The following NDUFS4 variants were observed in gnomAD, a reference collection of about 807,000 sequenced individuals.
The protein encoded by NDUFS4 is NADH dehydrogenase [ubiquinone] iron-sulfur protein 4, mitochondrial.
NDUFS4 carries 28 observed loss-of-function variants against 24.3 expected under a neutral mutation model. The observed-to-expected ratio is 1.15, with a 90% CI of 0.85 to 1.58. NDUFS4 has a LOEUF of 1.58. Among genes scored for constraint, NDUFS4 ranks in the 40% most tolerant of loss-of-function variants. NDUFS4 has a pLI of 0.00. For synonymous variants in NDUFS4, 93 were observed against 69.7 expected (o/e 1.34, Z -1.67); for missense variants, 223 against 207.9 (o/e 1.07, Z -0.45).
chr5:53,562,596 C>T (rs1238152890), intron 1 of NDUFS4, among the ~76,000 whole-genome samples: 1 of 152,006 alleles, frequency 6.6e-6, no homozygotes, highest in East Asian at 1.9e-4. Context: ...CCAGGGAAGA[C>T]GTTTTTTAAA....
At chr5:53,660,815 T>C (rs1446441507) in intron 4 of NDUFS4, among the ~76,000 whole-genome samples, 1 of 152,240 alleles carries the variant, frequency 6.6e-6, no homozygotes, top group Non-Finnish European at 1.5e-5. Flanking sequence ...GAAGTGTCTG[T>C]TCATATCCTT....
At chr5:53,576,776 G>A (rs543781149) in intron 1 of NDUFS4, among the ~76,000 whole-genome samples, 5 of 152,186 alleles carry the variant, frequency 3.3e-5, no homozygotes, top group Non-Finnish European at 5.9e-5. Context: ...TGTTATCTTC[G>A]GGAAACAAAG....
chr5:53,672,423 TG>T (rs1740304966), intron 4 of NDUFS4, among the ~76,000 whole-genome samples: 1 of 151,938 alleles, frequency 6.6e-6, no homozygotes, highest in Non-Finnish European at 1.5e-5. Context: ...GAGGCAAAAT[TG>T]GGTTTTGGTG....
intron 2 of NDUFS4, among the ~76,000 whole-genome samples, chr5:53,616,572 G>A (rs1405678049): frequency 6.6e-6 from 1 of 152,138 alleles, no homozygotes; most frequent in Non-Finnish European, 1.5e-5. Flanking sequence ...GACCAAAAGT[G>A]TAGCTGGTAG....
intron 1 of NDUFS4, among the ~76,000 whole-genome samples, chr5:53,569,268 G>A (rs927305542): frequency 2.0e-5 from 3 of 152,060 alleles, no homozygotes; most frequent in Non-Finnish European, 4.4e-5. Flanking sequence ...TTTAATATTC[G>A]TAGTACAAAT....
chr5:53,619,526 A>G (rs905654996), intron 2 of NDUFS4, among the ~76,000 whole-genome samples: 1 of 151,222 alleles, frequency 6.6e-6, no homozygotes, highest in Non-Finnish European at 1.5e-5. Context: ...TACATCATAA[A>G]TATATCAAAT....
chr5:53,661,246 C>G (rs368679377), intron 4 of NDUFS4, among the ~76,000 whole-genome samples: 11 of 151,988 alleles, frequency 7.2e-5, no homozygotes, highest in Non-Finnish European at 1.3e-4. Context: ...AGCACCATTT[C>G]TTAAATAGGG....
At chr5:53,648,028 T>A (rs1277559225) in intron 3 of NDUFS4, among the ~76,000 whole-genome samples, 2 of 152,134 alleles carry the variant, frequency 1.3e-5, no homozygotes, top group African/African-American at 2.4e-5. Flanking sequence ...ATCTACAAAT[T>A]TGTTATAAGA....
rs571758063 is a variant in NDUFS4, at chr5:53,561,751, G to T, written c.98+991G>T. ...GTGTTAAATATAAATGGAATGCAGA[G>T]AATTAGGATGAGTTAATTCGGAAGA... is the stretch of plus-strand genomic sequence containing the variant. On this transcript the variant is annotated intron_variant, in intron 1 of 4. Transcript: ENST00000296684. Among the ~76,000 whole-genome samples, 8 of 152,246 alleles carry T rather than the reference G, an allele frequency of 5.3e-5. 1 individual carries two copies. The South Asian group carries it at 1.4e-3, about 28-fold the overall frequency.
At chr5:53,613,066 A>C (rs1231417172) in intron 2 of NDUFS4, among the ~76,000 whole-genome samples, 1 of 152,130 alleles carries the variant, frequency 6.6e-6, no homozygotes, top group Non-Finnish European at 1.5e-5. Flanking sequence ...CTTAAGTTAA[A>C]GGCTTACTTT....
chr5:53,577,389 G>C (rs1293316782), intron 1 of NDUFS4, among the ~76,000 whole-genome samples: 2 of 152,176 alleles, frequency 1.3e-5, no homozygotes, highest in African/African-American at 4.8e-5. Context: ...CTGCAGCTGT[G>C]GCTGAAATGA....
chr5:53,614,305 G>A (rs914833440), intron 2 of NDUFS4, among the ~76,000 whole-genome samples: 2 of 151,854 alleles, frequency 1.3e-5, no homozygotes, highest in Non-Finnish European at 2.9e-5. Context: ...GTATCAAGCT[G>A]TGTAAAACTT....
At chr5:53,623,692 A>G (rs1356699666) in intron 2 of NDUFS4, among the ~76,000 whole-genome samples, 2 of 151,804 alleles carry the variant, frequency 1.3e-5, no homozygotes, top group African/African-American at 4.8e-5. Context: ...TAGCTCTTCC[A>G]TTGAGGTCTT....
intron 1 of NDUFS4, among the ~76,000 whole-genome samples, chr5:53,599,900 A>G (rs1750256950): frequency 6.6e-6 from 1 of 152,052 alleles, no homozygotes; most frequent in Non-Finnish European, 1.5e-5. Flanking sequence ...CATTCCTTAC[A>G]GGCTAATCAA....
intron 1 of NDUFS4, among the ~76,000 whole-genome samples, chr5:53,595,371 A>T (rs1238393649): frequency 1.3e-5 from 2 of 152,218 alleles, no homozygotes; most frequent in Non-Finnish European, 2.9e-5. Flanking sequence ...TTAATAACAC[A>T]TGTCAAAGGA....
intron 4 of NDUFS4, among the ~76,000 whole-genome samples, chr5:53,682,142 A>ATGTT (rs1262606620): frequency 1.3e-5 from 2 of 152,124 alleles, no homozygotes; most frequent in Non-Finnish European, 2.9e-5. Context: ...AGAAAAGTGA[A>ATGTT]TGTTATAGGG....
At chr5:53,568,399 A>G (rs752385937) in intron 1 of NDUFS4, among the ~76,000 whole-genome samples, 29 of 152,158 alleles carry the variant, frequency 1.9e-4, no homozygotes, top group Non-Finnish European at 3.5e-4. Flanking sequence ...AAAAGTTTCC[A>G]TATTATATCT....
Position 53,572,967 on chromosome 5 carries a change from TTTG to T in NDUFS4, c.98+12210_98+12212del, listed in dbSNP as rs1261191711. ...CCTTTGTTGTTTTTTGTTTTTTTTT[TTTG>T]TTTTTTTTTTTTTTTAAGAGACCAG... On this transcript the variant is annotated intron_variant, in intron 1 of 4. Coordinates refer to ENST00000296684, the MANE Select transcript of NDUFS4 (RefSeq NM_002495.4). Among the ~76,000 whole-genome samples, 25 of 96,902 alleles carry T rather than the reference TTTG, an allele frequency of 2.6e-4. 3 individuals are homozygous for T. The highest frequency in any genetic ancestry group is 7.1e-4 in the South Asian group (2 of 2,806). 63.6% of individuals were successfully genotyped at this position (96,902 alleles called of 152,430 possible). A position where few individuals can be genotyped will look rare whatever the true frequency, so the allele number is the denominator to read the frequency against.
chr5:53,568,482 T>C (rs1749112230), intron 1 of NDUFS4, among the ~76,000 whole-genome samples: 2 of 152,102 alleles, frequency 1.3e-5, no homozygotes, highest in Admixed American at 6.5e-5. Context: ...AATTCTTCCA[T>C]TTTTGCATAT....
Sources: gnomAD v4.1 joint callset for allele counts (sites outside exome capture counted in the v4.1 genomes callset) on GRCh38, gnomAD v4.1.1 for gene constraint, MANE v1.5 for transcripts, NCBI Gene and HGNC (gene_info 2026-07-23, HGNC 2026-07-21) for gene names.